Variants in PTPRR observed in about 807,000 individuals in gnomAD.
The protein encoded by PTPRR is receptor-type tyrosine-protein phosphatase R.
A neutral mutation model predicts 77.2 loss-of-function variants in PTPRR; 38 were observed. That is an observed-to-expected ratio of 0.49 (90% CI 0.38 to 0.65). PTPRR has a LOEUF of 0.65. PTPRR is among the 30% of genes least tolerant of loss of function. PTPRR has a pLI of 0.00. For synonymous variants in PTPRR, 299 were observed against 283.1 expected, an observed-to-expected ratio of 1.06 and a Z score of -0.57; for missense variants, 744 against 799.2, an observed-to-expected ratio of 0.93 and a Z score of 0.83.
At chr12:70,874,920 CAAAAAAAAA>C (rs34592534) in intron 2 of PTPRR, among the ~76,000 whole-genome samples, 3 of 76,788 alleles carry the variant, frequency 3.9e-5, no homozygotes, top group East Asian at 3.8e-4. Context: ...GACTCCATCT[CAAAAAAAAA>C]AAAAAAAAAA....
chr12:70,800,195 G>A (rs1009262199), intron 2 of PTPRR, among the ~76,000 whole-genome samples: 4 of 151,420 alleles, frequency 2.6e-5, no homozygotes, highest in Admixed American at 1.3e-4. Context: ...TGATCAAGCC[G>A]CTTCCTGTCT....
intron 2 of PTPRR, among the ~76,000 whole-genome samples, chr12:70,810,609 A>G (rs1277641769): frequency 6.6e-6 from 1 of 152,170 alleles, no homozygotes; most frequent in African/African-American, 2.4e-5. Context: ...TGAAAATCAT[A>G]CCAAAACCTT....
At chr12:70,747,871 C>T (rs537018608) in intron 5 of PTPRR, among the ~76,000 whole-genome samples, 23 of 152,238 alleles carry the variant, frequency 1.5e-4, no homozygotes, top group Non-Finnish European at 2.8e-4. Flanking sequence ...GAAGAGATTG[C>T]TACTTGGCAA....
intron 2 of PTPRR, chr12:70,788,795 T>TCCG: frequency 6.9e-7 from 1 of 1,455,726 alleles, no homozygotes; most frequent in Non-Finnish European, 9.3e-7. Context: ...ACCCTCTGCC[T>TCCG]ATCATGAGAG....
chr12:70,740,780 G>T (rs1890021974), intron 6 of PTPRR, among the ~76,000 whole-genome samples: 1 of 152,052 alleles, frequency 6.6e-6, no homozygotes, highest in Admixed American at 6.6e-5. Flanking sequence ...ATGGTCTCCT[G>T]GTGATTTTAA....
chr12:70,681,977 T>G (rs1887679731), intron 10 of PTPRR, among the ~76,000 whole-genome samples: 1 of 151,764 alleles, frequency 6.6e-6, no homozygotes, highest in Non-Finnish European at 1.5e-5. Context: ...AGGCCAGACT[T>G]AGGCGAATTT....
intron 1 of PTPRR, among the ~76,000 whole-genome samples, chr12:70,901,553 C>G (rs996106599): frequency 4.0e-5 from 6 of 151,496 alleles, no homozygotes; most frequent in Non-Finnish European, 8.9e-5. Context: ...ATTGGCTAGC[C>G]ACATGTAGAA....
chr12:70,737,376 G>C (rs530736776), intron 6 of PTPRR, among the ~76,000 whole-genome samples: 1 of 152,176 alleles, frequency 6.6e-6, no homozygotes, highest in Non-Finnish European at 1.5e-5. Flanking sequence ...CTCAGGCTGT[G>C]CTTTTACAGA....
rs1014012392 is a variant in PTPRR, at chr12:70,684,225, C to T, written c.1399G>A (p.Gly467Ser). ...TCATCCACGGTGTTGATCATGGGGC[C>T]CTGCGTGGCAATGAAGGCTTTCTCC... ...GKEKAFIATQGPMINTVDDFW... is the reference protein window; with the variant it reads ...GKEKAFIATQSPMINTVDDFW... The change falls in exon 10 of 14, where the codon GGC (glycine) becomes AGC (serine). Residue 467 changes from glycine to serine, a missense_variant. By Grantham distance (56) the Gly-to-Ser change is moderately conservative. Transcript: ENST00000283228. The T allele has an allele frequency of 1.9e-6, 3 of 1,613,106 alleles. No homozygotes were observed. The highest frequency in any genetic ancestry group is 1.3e-5 in the African/African-American group (1 of 74,718).
rs1004342783 is a variant in PTPRR, at chr12:70,868,674, A to G, written c.357+24005T>C. Among the ~76,000 whole-genome samples, 55 of 152,256 alleles carry G rather than the reference A, an allele frequency of 3.6e-4. 1 individual carries two copies. Among genetic ancestry groups the G allele is most frequent in the Non-Finnish European group, 1.3e-4 (9 of 68,022 alleles). On this transcript the variant is annotated intron_variant, in intron 2 of 13. Transcript: ENST00000283228. ...ACTAGAAATACCATTTGACCCAGCC[A>G]TCCCATTACTGGGTATATACCCAAA...
intron 2 of PTPRR, among the ~76,000 whole-genome samples, chr12:70,870,550 A>C (rs1219615487): frequency 1.3e-5 from 2 of 152,210 alleles, no homozygotes; most frequent in Non-Finnish European, 2.9e-5. Flanking sequence ...TCAATGTCCT[A>C]ATCTCCCAAA....
At chr12:70,872,682 G>A (rs1449366232) in intron 2 of PTPRR, among the ~76,000 whole-genome samples, 1 of 78,352 alleles carries the variant, frequency 1.3e-5, no homozygotes, top group African/African-American at 5.3e-5. Context: ...GCGACAGAGT[G>A]AGACTCTGTC....
In PTPRR at chr12:70,895,097, G is replaced by C; in HGVS notation, c.59-2120C>G. 1.3e-5 allele frequency among the ~76,000 whole-genome samples: 2 copies of C among 151,690 alleles called. 1 individual carries two copies. Among genetic ancestry groups the C allele is most frequent in the South Asian group, 4.2e-4 (2 of 4,818 alleles). ...CCCCACATGAAAGTTGAAGGGATACGGGTGAAACAGAGTTGCTGAAGATGT... is the reference window on the plus strand; with the variant it reads ...CCCCACATGAAAGTTGAAGGGATACCGGTGAAACAGAGTTGCTGAAGATGT... On this transcript the variant is annotated intron_variant, in intron 1 of 13. Coordinates refer to ENST00000283228, the MANE Select transcript of PTPRR (RefSeq NM_002849.4).
At chr12:70,650,594 G>T (rs1797709850) in intron 13 of PTPRR, among the ~76,000 whole-genome samples, 1 of 151,968 alleles carries the variant, frequency 6.6e-6, no homozygotes, top group African/African-American at 2.4e-5. Context: ...GGACAATCTG[G>T]GAAACTGGGA....
chr12:70,750,621 A>G (rs1890361144), intron 5 of PTPRR, among the ~76,000 whole-genome samples: 1 of 152,230 alleles, frequency 6.6e-6, no homozygotes, highest in African/African-American at 2.4e-5. Context: ...GGTAAGTTCC[A>G]TCAGATAAAC....
At chr12:70,767,571 C>T (rs1188063107) in intron 2 of PTPRR, among the ~76,000 whole-genome samples, 6 of 152,044 alleles carry the variant, frequency 3.9e-5, no homozygotes, top group African/African-American at 9.7e-5. Context: ...TAATGGGAGA[C>T]GTTAACACCC....
At chr12:70,857,489 T>C (rs2137075297) in intron 2 of PTPRR, among the ~76,000 whole-genome samples, 1 of 152,258 alleles carries the variant, frequency 6.6e-6, no homozygotes. Flanking sequence ...GTGCCTGACT[T>C]TGAGGCTGTA....
At chr12:70,857,581 T>G (rs1892674799) in intron 2 of PTPRR, among the ~76,000 whole-genome samples, 1 of 152,176 alleles carries the variant, frequency 6.6e-6, no homozygotes, top group Non-Finnish European at 1.5e-5. Context: ...GTTAACATAT[T>G]TGCAGGGTGA....
At chr12:70,678,980 C>T (rs778437696) in intron 10 of PTPRR, among the ~76,000 whole-genome samples, 20 of 152,176 alleles carry the variant, frequency 1.3e-4, no homozygotes, top group Admixed American at 2.6e-4. Flanking sequence ...CGCTGCCCAG[C>T]CTGTTCTTGT....
Sources: gnomAD v4.1 joint callset for allele counts (sites outside exome capture counted in the v4.1 genomes callset) on GRCh38, gnomAD v4.1.1 for gene constraint, MANE v1.5 for transcripts, NCBI Gene and HGNC (gene_info 2026-07-23, HGNC 2026-07-21) for gene names.